TPR: variants seen among roughly 807,000 people sequenced by gnomAD.
TPR encodes nucleoprotein TPR.
In TPR, 51 loss-of-function variants were observed where a neutral mutation model predicts 316.1. That is an observed-to-expected ratio of 0.16 (90% CI 0.13 to 0.20). The LOEUF is 0.20. TPR is among the 10% of genes least tolerant of loss of function. TPR has a pLI of 1.00. For synonymous variants in TPR, 981 were observed against 914.7 expected (o/e 1.07, Z -1.31); for missense variants, 2,272 against 2,754.8 (o/e 0.82, Z 3.92).
chr1:186,364,781 T>C (rs1424902924), intron 4 of TPR, among the ~76,000 whole-genome samples: 4 of 152,190 alleles, frequency 2.6e-5, no homozygotes, highest in South Asian at 2.1e-4. Context: ...TTAATGCAGA[T>C]AGAAGTGTAC....
intron 40 of TPR, among the ~76,000 whole-genome samples, chr1:186,327,079 AAATATATAAC>A (rs1475692918): frequency 4.7e-5 from 1 of 21,288 alleles, no homozygotes; most frequent in African/African-American, 2.0e-4. Context: ...AAATATATAT[AAATATATAAC>A]ATATATATTA....
chr1:186,366,078 A>G (rs1659334184), intron 4 of TPR, among the ~76,000 whole-genome samples: 1 of 152,244 alleles, frequency 6.6e-6, no homozygotes, highest in African/African-American at 2.4e-5. Context: ...GGGCACTGAA[A>G]CTATAGCAAA....
intron 13 of TPR, among the ~76,000 whole-genome samples, 164 bp from the exon 14 acceptor site, chr1:186,357,787 A>G (rs1032638391): frequency 6.6e-6 from 1 of 152,206 alleles, no homozygotes; most frequent in Admixed American, 6.5e-5. Flanking sequence ...AAATCTAAAC[A>G]ATCAAATTTT....
chr1:186,362,981 C>T lies in TPR; in HGVS notation c.552G>A (p.Glu184=). The T allele has an allele frequency of 1.9e-6, 3 of 1,602,576 alleles. No homozygotes were observed. The highest frequency in any genetic ancestry group is 1.7e-6 in the Non-Finnish European group (2 of 1,177,406). The change falls in exon 6 of 51, where the codon GAG becomes GAA. Residue 184 remains glutamate (E), a synonymous_variant. Coordinates refer to ENST00000367478, the MANE Select transcript of TPR (RefSeq NM_003292.3). The part of the protein sequence containing the change: ...VSVKYREKRL[E]QEKELLHSQN... ...GACTATGTAGCAATTCCTTTTCTTGCTCCAAGCGTTTTTCTCGATACTAAA... is the reference window on the plus strand; with the variant it reads ...GACTATGTAGCAATTCCTTTTCTTGTTCCAAGCGTTTTTCTCGATACTAAA...
rs756616444 is a variant in TPR at position 186,343,379 on chromosome 1, T to C, written c.3697A>G (p.Arg1233Gly). 5 of 1,614,004 alleles carry C rather than the reference T, an allele frequency of 3.1e-6. No homozygotes were observed. In the African/African-American group the frequency reaches 4.0e-5, roughly 13 times the overall value. Residue 1233 changes from arginine to glycine, a missense_variant, in exon 27 of 51, where the codon AGA (arginine) becomes GGA (glycine). Transcript: ENST00000367478. ...RYRQRVELLE[R>G]ELQELQDSLN... ...CTATCTTGCAGTTCCTGCAGCTCTC[T>C]TTCTAAAAGTTCAACCCTTTGTCGA...
At position 186,341,008 on chromosome 1, in the gene TPR, A is replaced by G; in HGVS notation, c.4020+20T>C. On this transcript the variant is annotated intron_variant, in intron 29 of 50. Transcript: ENST00000367478. Reference sequence around the variant, plus strand: ...AAAACACGTGTTTCCATGTTTTGGAAGAGTTTTAACTGCATTTACCTGGTT... The same window carrying G: ...AAAACACGTGTTTCCATGTTTTGGAGGAGTTTTAACTGCATTTACCTGGTT... 1 of 1,596,014 alleles carries G rather than the reference A, an allele frequency of 6.3e-7. No homozygotes were observed. Among genetic ancestry groups the G allele is most frequent in the South Asian group, 1.2e-5 (1 of 86,822 alleles).
At chr1:186,349,852 A>G (rs554422724) in intron 21 of TPR, among the ~76,000 whole-genome samples, 42 of 152,266 alleles carry the variant, frequency 2.8e-4, no homozygotes, top group Non-Finnish European at 5.6e-4. Context: ...CTCATTCTTT[A>G]AGAGAAACTT....
At chr1:186,360,648 T>C in intron 10 of TPR, 117 bp downstream of exon 10, 2 of 1,328,114 alleles carry the variant, frequency 1.5e-6, no homozygotes, top group Non-Finnish European at 2.1e-6. Context: ...TTAATATAAC[T>C]CGATGGAGTT....
At position 186,312,193 on chromosome 1, in the gene TPR, A is replaced by G; in HGVS notation, c.*1778T>C. ...ATAACAGGTGGCAGCATTCAGCAGT[A>G]TATTTATAAACAGGAACCTGTACAG... is the stretch of plus-strand genomic sequence containing the variant. On this transcript the variant is annotated 3_prime_UTR_variant, in exon 51 of 51. Transcript: ENST00000367478. 6.2e-7 allele frequency: 1 copy of G among 1,613,962 alleles called. No homozygotes were observed. Among genetic ancestry groups the G allele is most frequent in the South Asian group, 1.1e-5 (1 of 91,064 alleles).
rs3753566 is a variant in TPR, at chr1:186,347,304, G to A, written c.2931C>T (p.Asn977=). 2,871 of 1,612,290 alleles carry A rather than the reference G, an allele frequency of 1.8e-3. 56 individuals carry two copies. In the East Asian group the frequency reaches 0.045, roughly 25 times the overall value. ...GAATTATACATACCTGTTTTTCCTT[G>A]TTCAGGGATTCTTCTAAACTAGTAA... ...AMVTSLEESL[N]KEKQVTEEVR... The change falls in exon 22 of 51, where the codon AAC becomes AAT. Residue 977 remains asparagine, a synonymous_variant. Coordinates refer to ENST00000367478, the MANE Select transcript of TPR (RefSeq NM_003292.3).
chr1:186,323,937 A>G (rs1021886614), intron 42 of TPR, 67 bp from the exon 43 acceptor site: 6 of 1,443,726 alleles, frequency 4.2e-6, no homozygotes, highest in Non-Finnish European at 5.5e-6. Context: ...GACAATCCCT[A>G]GAAGTATAAA....
rs1658711471 is a variant in TPR at position 186,347,290 on chromosome 1, A to G, written c.2943+2T>C. 6.2e-7 allele frequency: 1 copy of G among 1,613,324 alleles called. No individual in the cohort carries two copies. Among genetic ancestry groups the G allele is most frequent in the Non-Finnish European group, 8.5e-7 (1 of 1,179,630 alleles). ...GAATTCTGAATTCAGAATTATACAT[A>G]CCTGTTTTTCCTTGTTCAGGGATTC... On this transcript the variant is annotated splice_donor_variant, in intron 22 of 50. Coordinates refer to ENST00000367478, the MANE Select transcript of TPR (RefSeq NM_003292.3). LOFTEE classifies it high-confidence loss of function.
chr1:186,354,621 T>C (rs1658968999), intron 17 of TPR, among the ~76,000 whole-genome samples: 1 of 152,148 alleles, frequency 6.6e-6, no homozygotes, highest in South Asian at 2.1e-4. Context: ...AAAATAAATA[T>C]TGTCCTAACA....
intron 7 of TPR, 54 bp downstream of exon 7, chr1:186,362,234 C>G: frequency 7.0e-7 from 1 of 1,431,492 alleles, no homozygotes; most frequent in South Asian, 1.2e-5. Context: ...GAAATAACAG[C>G]TTCGTAAGTG....
At chr1:186,346,093 C>A (rs778403199) in intron 23 of TPR, 42 bp downstream of exon 23, 2 of 1,544,206 alleles carry the variant, frequency 1.3e-6, no homozygotes, top group African/African-American at 1.4e-5. Context: ...AATTCAAATC[C>A]TTACAAGTTA....
intron 2 of TPR, 89 bp from the exon 3 acceptor site, chr1:186,371,132 A>C (rs1388017603): frequency 5.1e-6 from 5 of 979,874 alleles, no homozygotes; most frequent in Non-Finnish European, 7.9e-6. Context: ...TACATATTTT[A>C]ATAAATGAAA....
intron 6 of TPR, 75 bp downstream of exon 6, chr1:186,362,762 A>G (rs887596607): frequency 1.5e-6 from 2 of 1,293,542 alleles, no homozygotes; most frequent in Non-Finnish European, 2.1e-6. Context: ...ACACTACTGA[A>G]TACATATTTA....
intron 25 of TPR, 91 bp downstream of exon 25, chr1:186,344,284 G>A (rs1658609700): frequency 6.8e-7 from 1 of 1,476,136 alleles, no homozygotes; most frequent in African/African-American, 1.4e-5. Flanking sequence ...ATGGGTGACA[G>A]AGCGAGGCTC....
At chr1:186,338,410 C>T (rs775484497) in intron 30 of TPR, among the ~76,000 whole-genome samples, 167 bp from the exon 31 acceptor site, 18 of 152,018 alleles carry the variant, frequency 1.2e-4, no homozygotes, top group Non-Finnish European at 1.9e-4. Flanking sequence ...TACAGCCCTT[C>T]GGCAAGATCT....
Sources: allele counts gnomAD v4.1 joint callset (sites outside exome capture counted in the v4.1 genomes callset), GRCh38; gene constraint gnomAD v4.1.1; transcripts MANE v1.5; gene names NCBI Gene and HGNC (gene_info 2026-07-23, HGNC 2026-07-21).